Variants in GRB14 observed in about 807,000 individuals in gnomAD.
The protein encoded by GRB14 is growth factor receptor-bound protein 14.
Under a neutral mutation model 69.1 loss-of-function variants are expected in GRB14, and 38 were observed. The ratio of observed to expected loss-of-function variants is 0.55; its 90% CI spans 0.42 to 0.72. The LOEUF (loss-of-function observed/expected upper bound fraction) is 0.72, where lower values mean the gene tolerates loss of function less well. Among genes scored for constraint, GRB14 ranks in the 30% least tolerant of loss-of-function variants. The pLI is 0.00. For synonymous variants in GRB14, 247 were observed against 241.3 expected, an observed-to-expected ratio of 1.02 and a Z score of -0.22; for missense variants, 666 against 666.1, an observed-to-expected ratio of 1.00 and a Z score of 0.00.
At chr2:164,604,729 C>T (rs1463721109) in intron 2 of GRB14, among the ~76,000 whole-genome samples, 1 of 151,890 alleles carries the variant, frequency 6.6e-6, no homozygotes, top group African/African-American at 2.4e-5. Context: ...GATAAACTTC[C>T]AAAACAGGCT....
At chr2:164,508,922 A>T (rs930339080) in intron 6 of GRB14, 70 bp from the exon 7 acceptor site, 25 of 1,000,090 alleles carry the variant, frequency 2.5e-5, no homozygotes, top group Non-Finnish European at 3.3e-5. Flanking sequence ...ATATTATATA[A>T]TTTATACCTT....
chr2:164,495,263 C>T (rs1450600837), intron 12 of GRB14, among the ~76,000 whole-genome samples: 1 of 152,014 alleles, frequency 6.6e-6, no homozygotes, highest in Non-Finnish European at 1.5e-5. Flanking sequence ...TTTATTATAA[C>T]CCCCTCTTCT....
chr2:164,553,066 CAT>C (rs1688586027), intron 2 of GRB14, among the ~76,000 whole-genome samples: 1 of 152,158 alleles, frequency 6.6e-6, no homozygotes, highest in African/African-American at 2.4e-5. Flanking sequence ...TGACTACCCC[CAT>C]ATGTTTTCCT....
intron 2 of GRB14, among the ~76,000 whole-genome samples, chr2:164,563,190 C>A (rs1279150922): frequency 6.6e-6 from 1 of 152,178 alleles, no homozygotes; most frequent in Non-Finnish European, 1.5e-5. Context: ...TACCTACAAT[C>A]CCTATACAAG....
intron 3 of GRB14, among the ~76,000 whole-genome samples, chr2:164,537,831 T>C (rs1381371198): frequency 6.6e-6 from 1 of 152,130 alleles, no homozygotes; most frequent in East Asian, 1.9e-4. Context: ...TCAGGGCACA[T>C]GGTTCTCTTT....
intron 2 of GRB14, among the ~76,000 whole-genome samples, chr2:164,601,887 T>C (rs1689921586): frequency 6.6e-6 from 1 of 151,902 alleles, no homozygotes; most frequent in East Asian, 1.9e-4. Context: ...TTTTGTTTAA[T>C]TATTATAATT....
At chr2:164,604,453 T>C (rs577968705) in intron 2 of GRB14, among the ~76,000 whole-genome samples, 6 of 152,248 alleles carry the variant, frequency 3.9e-5, no homozygotes, top group Non-Finnish European at 5.9e-5. Flanking sequence ...ATACAATATA[T>C]TTTTAAATAA....
At position 164,573,801 on chromosome 2, in the gene GRB14, T is replaced by C. The variant is rs548107790; in HGVS notation, c.325-25985A>G. 4.3e-6 allele frequency: 7 copies of C among 1,612,954 alleles called. No homozygotes were observed. In the South Asian group the frequency reaches 7.7e-5, roughly 18 times the overall value. On this transcript the variant is annotated intron_variant, in intron 2 of 13. Transcript: ENST00000263915. Reference sequence around the variant, plus strand: ...ATCCACCAGTGTATCAGCATTAACATGTTGGCAGATAAATTGAACATGACT... The same window carrying C: ...ATCCACCAGTGTATCAGCATTAACACGTTGGCAGATAAATTGAACATGACT...
chr2:164,586,619 G>T (rs765647750), intron 2 of GRB14, among the ~76,000 whole-genome samples: 1 of 152,138 alleles, frequency 6.6e-6, no homozygotes, highest in African/African-American at 2.4e-5. Flanking sequence ...TACAGTGTTG[G>T]AGCTTTCAGA....
chr2:164,530,525 G>A (rs1687900124), intron 3 of GRB14, among the ~76,000 whole-genome samples: 1 of 151,994 alleles, frequency 6.6e-6, no homozygotes, highest in African/African-American at 2.4e-5. Flanking sequence ...CAGGGGATAG[G>A]AATCCATTTC....
intron 3 of GRB14, among the ~76,000 whole-genome samples, chr2:164,536,215 C>A (rs1326479773): frequency 6.6e-6 from 1 of 152,086 alleles, no homozygotes; most frequent in Non-Finnish European, 1.5e-5. Context: ...TTGTCTTAGA[C>A]CCTGGGTTAC....
At chr2:164,515,457 G>A (rs1198383593) in intron 6 of GRB14, among the ~76,000 whole-genome samples, 2 of 152,160 alleles carry the variant, frequency 1.3e-5, no homozygotes, top group African/African-American at 4.8e-5. Context: ...ATCTGAAAGA[G>A]AAATAACACT....
intron 2 of GRB14, among the ~76,000 whole-genome samples, chr2:164,573,503 C>T (rs1689168094): frequency 6.6e-6 from 1 of 152,176 alleles, no homozygotes. Context: ...GAACACCAGT[C>T]TCAGAAAATT....
intron 2 of GRB14, among the ~76,000 whole-genome samples, chr2:164,602,114 C>G (rs1219214560): frequency 7.0e-6 from 1 of 143,422 alleles, no homozygotes; most frequent in Non-Finnish European, 1.5e-5. Flanking sequence ...TTGTGTGTCT[C>G]CAAATGTATT....
intron 2 of GRB14, among the ~76,000 whole-genome samples, chr2:164,561,890 A>C (rs1020310412): frequency 2.6e-5 from 4 of 152,220 alleles, no homozygotes; most frequent in African/African-American, 9.6e-5. Context: ...TGCCCACTGC[A>C]GCAAGTTGGA....
At chr2:164,585,319 T>C (rs1317837012) in intron 2 of GRB14, among the ~76,000 whole-genome samples, 1 of 151,906 alleles carries the variant, frequency 6.6e-6, no homozygotes, top group Non-Finnish European at 1.5e-5. Context: ...GTTGGTTTAT[T>C]TTCAAATAAT....
At chr2:164,578,748 G>C (rs998362605) in intron 2 of GRB14, among the ~76,000 whole-genome samples, 2 of 152,130 alleles carry the variant, frequency 1.3e-5, no homozygotes, top group Non-Finnish European at 2.9e-5. Context: ...CAGATGTTAC[G>C]GAAGGAAATT....
chr2:164,508,528 C>T lies in GRB14; in HGVS notation c.950G>A (p.Arg317Gln), dbSNP rs756354070. 11 of 1,613,920 alleles carry T rather than the reference C, an allele frequency of 6.8e-6. No individual in the cohort carries two copies. Among genetic ancestry groups the T allele is most frequent in the African/African-American group, 4.0e-5 (3 of 74,922 alleles). Residue 317 changes from arginine (R) to glutamine (Q), a missense_variant, in exon 8 of 14, where the codon CGA becomes CAA. Physicochemically the swap from Arg to Gln is conservative, Grantham distance 43. Transcript: ENST00000263915. ...CFKPNKAGGP[R>Q]DLKMLCAEEE... Reference sequence around the variant, plus strand: ...TTCTGCACAGAGCATTTTCAGGTCTCGGGGCCCTCCCGCTTTGTTAGGCTA... The same window carrying T: ...TTCTGCACAGAGCATTTTCAGGTCTTGGGGCCCTCCCGCTTTGTTAGGCTA...
chr2:164,598,335 A>T (rs533565395), intron 2 of GRB14, among the ~76,000 whole-genome samples: 349 of 152,344 alleles, frequency 2.3e-3, no homozygotes, highest in Non-Finnish European at 4.1e-3. Flanking sequence ...CATTGTTTCT[A>T]TGGGAAAATG....
Sources: gnomAD v4.1 joint callset for allele counts (sites outside exome capture counted in the v4.1 genomes callset) on GRCh38, gnomAD v4.1.1 for gene constraint, MANE v1.5 for transcripts, NCBI Gene and HGNC (gene_info 2026-07-23, HGNC 2026-07-21) for gene names.